The following NXN variants were observed in gnomAD, a reference collection of about 807,000 sequenced individuals.
NXN encodes the protein nucleoredoxin 1.
In NXN, 16 loss-of-function variants were observed where a neutral mutation model predicts 48.6. The observed-to-expected ratio is 0.33, with a 90% confidence interval of 0.22 to 0.50. The LOEUF (loss-of-function observed/expected upper bound fraction) is 0.50, where lower values mean the gene tolerates loss of function less well. Among genes scored for constraint, NXN ranks in the 20% least tolerant of loss-of-function variants. The probability of loss-of-function intolerance (pLI) is 0.98; values close to 1 mark genes in which losing one functional copy is unlikely to be tolerated. For missense variants in NXN, 492 were observed against 605.5 expected, an observed-to-expected ratio of 0.81 and a Z score of 1.97; for synonymous variants, 281 against 269.6, an observed-to-expected ratio of 1.04 and a Z score of -0.41.
chr17:953,473 G>A (rs1223609464), intron 1 of NXN, among the ~76,000 whole-genome samples: 1 of 152,116 alleles, frequency 6.6e-6, no homozygotes, highest in Non-Finnish European at 1.5e-5. Context: ...CACCTCGGAT[G>A]CCCCACACCC....
At chr17:885,672 CTTTTTTTTTTTT>C (rs532225883) in intron 1 of NXN, among the ~76,000 whole-genome samples, 57,290 of 84,226 alleles carry the variant, frequency 0.68, 18,303 homozygotes, top group Admixed American at 0.79. Context: ...GCGGTACTCG[CTTTTTTTTTTTT>C]TTTTTTTTTT....
In NXN at chr17:889,735, G is replaced by C. The variant is rs537638585; in HGVS notation, c.361-63657C>G. On this transcript the variant is annotated intron_variant, in intron 1 of 7. Transcript: ENST00000336868. Reference sequence around the variant, plus strand: ...AGAAAGAAAGAAAGAAAGAAAGAAAGAAAGAAAGAAAGAAAGAAAGAAAGA... The same window carrying C: ...AGAAAGAAAGAAAGAAAGAAAGAAACAAAGAAAGAAAGAAAGAAAGAAAGA... 6.0e-4 allele frequency among the ~76,000 whole-genome samples: 47 copies of C among 78,728 alleles called. 1 individual carries two copies. The highest frequency in any genetic ancestry group is 2.7e-3 in the African/African-American group (46 of 16,740). 51.6% of individuals were successfully genotyped at this position (78,728 alleles called of 152,430 possible).
chr17:914,820 T>C (rs1027302211), intron 1 of NXN, among the ~76,000 whole-genome samples: 16 of 152,154 alleles, frequency 1.1e-4, no homozygotes, highest in East Asian at 7.7e-4. Flanking sequence ...GGGCTTCCCC[T>C]GGAGGAGCTG....
chr17:818,017 G>C (rs1331524906), intron 5 of NXN, among the ~76,000 whole-genome samples: 2 of 152,172 alleles, frequency 1.3e-5, no homozygotes, highest in Non-Finnish European at 2.9e-5. Flanking sequence ...CCAGCACTTT[G>C]GGAGGCCGAG....
intron 1 of NXN, among the ~76,000 whole-genome samples, chr17:834,815 C>T (rs1350035034): frequency 1.3e-5 from 2 of 151,934 alleles, no homozygotes; most frequent in African/African-American, 4.8e-5. Flanking sequence ...GCCACTGTGT[C>T]TGGCTAATTT....
intron 5 of NXN, among the ~76,000 whole-genome samples, chr17:818,482 C>CT (rs773873357): frequency 4.6e-5 from 7 of 152,162 alleles, no homozygotes; most frequent in Non-Finnish European, 8.8e-5. Flanking sequence ...CCCAAAGACT[C>CT]TGAGTGATGA....
chr17:961,036 G>A (rs1205266491), intron 1 of NXN, among the ~76,000 whole-genome samples: 3 of 151,452 alleles, frequency 2.0e-5, no homozygotes, highest in South Asian at 2.1e-4. Context: ...TGCCTGCCTC[G>A]GCCTCCCAAA....
At chr17:977,289 GT>G (rs1028650090) in intron 1 of NXN, among the ~76,000 whole-genome samples, 2 of 152,192 alleles carry the variant, frequency 1.3e-5, no homozygotes, top group African/African-American at 4.8e-5. Context: ...AAAATAAAAT[GT>G]TTAAGATGCT....
At chr17:889,635 C>G (rs1193668000) in intron 1 of NXN, among the ~76,000 whole-genome samples, 1 of 150,540 alleles carries the variant, frequency 6.6e-6, no homozygotes, top group Non-Finnish European at 1.5e-5. Context: ...CGAGATTGCT[C>G]CATTGCACTA....
chr17:922,477 T>C (rs2068758777), intron 1 of NXN, among the ~76,000 whole-genome samples: 1 of 151,818 alleles, frequency 6.6e-6, no homozygotes. Context: ...GTGAGAACCA[T>C]TAGTTGGAAA....
Position 920,660 on chromosome 17 carries a change from A to T in NXN, c.360+58659T>A, listed in dbSNP as rs2068740180. 6.6e-6 allele frequency among the ~76,000 whole-genome samples: 1 copy of T among 151,652 alleles called. No individual in the cohort carries two copies. Among genetic ancestry groups the T allele is most frequent in the Admixed American group, 6.6e-5 (1 of 15,198 alleles). On this transcript the variant is annotated intron_variant, in intron 1 of 7. Transcript: ENST00000336868. This position sits in a 1 kb window ranked among gnomAD's most constrained non-coding sequence, Gnocchi z 4.6. ...CCAGGACGTTCTCAATGAGGTCTTC[A>T]TTCATACCGCCTTGCCAATCGCCCT...
intron 5 of NXN, 113 bp from the exon 6 acceptor site, chr17:805,360 G>A: frequency 4.4e-6 from 5 of 1,146,010 alleles, no homozygotes; most frequent in South Asian, 1.6e-5. Flanking sequence ...AGCCCACCGA[G>A]GACCTGGTAC....
rs916651938 is a variant in NXN at position 932,671 on chromosome 17, G to C, written c.360+46648C>G. On this transcript the variant is annotated intron_variant, in intron 1 of 7. Coordinates refer to ENST00000336868, the MANE Select transcript of NXN (RefSeq NM_022463.5). The surrounding 1 kb of genome is among the most constrained non-coding windows in gnomAD (Gnocchi z 4.1). ...GCAGCAAGGACCCATCACCGGAAGA[G>C]GCTTCTGAGAGGCACCGACTTTTGC... 6.6e-6 allele frequency among the ~76,000 whole-genome samples: 1 copy of C among 152,194 alleles called. No individual in the cohort carries two copies. Among genetic ancestry groups the C allele is most frequent in the African/African-American group, 2.4e-5 (1 of 41,460 alleles).
chr17:891,627 T>C (rs2144868330), intron 1 of NXN, among the ~76,000 whole-genome samples: 1 of 152,302 alleles, frequency 6.6e-6, no homozygotes, highest in Non-Finnish European at 1.5e-5. Context: ...AACCCAAGAC[T>C]TGTGCTTTTA....
intron 1 of NXN, among the ~76,000 whole-genome samples, chr17:900,911 T>C (rs1401647388): frequency 8.0e-6 from 1 of 125,350 alleles, no homozygotes; most frequent in Non-Finnish European, 1.6e-5. Context: ...TAGATCTGCA[T>C]TCTTTTTTTT....
At chr17:813,629 T>G (rs1912296124) in intron 5 of NXN, among the ~76,000 whole-genome samples, 2 of 152,216 alleles carry the variant, frequency 1.3e-5, no homozygotes. Flanking sequence ...TGTCAAGAAG[T>G]GCATGCATAT....
chr17:801,248 C>T (rs1478488657), intron 7 of NXN, 117 bp from the exon 8 acceptor site: 6 of 692,880 alleles, frequency 8.7e-6, no homozygotes, highest in Non-Finnish European at 1.0e-5. Flanking sequence ...GCCGGCGTTT[C>T]CCAAGCAGAG....
rs771285156 is a variant in NXN, at chr17:812,791, GGT to G, written c.820+6646_820+6647del. On this transcript the variant is annotated intron_variant, in intron 5 of 7. Transcript: ENST00000336868. ...GAGTGTAGGTGTGTGCATGTGTGTA[GGT>G]GTGTGTGCGTGAGTGTAGGTGTGTG... Among the ~76,000 whole-genome samples, 99 of 147,524 alleles carry G rather than the reference GGT, an allele frequency of 6.7e-4. 1 individual carries two copies. The highest frequency in any genetic ancestry group is 6.1e-3 in the South Asian group (28 of 4,582).
chr17:810,195 G>T (rs867037608), intron 5 of NXN, among the ~76,000 whole-genome samples: 1 of 93,376 alleles, frequency 1.1e-5, no homozygotes, highest in South Asian at 3.9e-4. Flanking sequence ...CATGTTACGA[G>T]TCTGTGAGTG....
Sources: gnomAD v4.1 joint callset for allele counts (sites outside exome capture counted in the v4.1 genomes callset) on GRCh38, gnomAD v4.1.1 for gene constraint, Gnocchi (gnomAD v3.1) non-coding constraint, MANE v1.5 for transcripts, NCBI Gene and HGNC (gene_info 2026-07-23, HGNC 2026-07-21) for gene names.